SV2A: variants seen among roughly 807,000 people sequenced by gnomAD.
SV2A encodes solute carrier family 22 member B1.
SV2A carries 25 observed loss-of-function variants against 78.0 expected under a neutral mutation model. That is an observed-to-expected ratio of 0.32 (90% CI 0.23 to 0.45). The LOEUF (loss-of-function observed/expected upper bound fraction) is 0.45. SV2A is among the 20% of genes least tolerant of loss of function. The pLI, the probability that SV2A is intolerant of heterozygous loss-of-function variation, is 1.00. For synonymous variants in SV2A, 355 were observed against 384.7 expected (o/e 0.92, Z 0.90); for missense variants, 752 against 971.5 (o/e 0.77, Z 3.00).
chr1:149,908,940 A>T (rs1332193132), intron 8 of SV2A, among the ~76,000 whole-genome samples: 3 of 152,148 alleles, frequency 2.0e-5, no homozygotes, highest in Non-Finnish European at 4.4e-5. Flanking sequence ...TAACCAAAAC[A>T]TAAACTCCAG....
chr1:149,908,827 G>A (rs2092456012), intron 8 of SV2A, among the ~76,000 whole-genome samples: 1 of 151,970 alleles, frequency 6.6e-6, no homozygotes, highest in Non-Finnish European at 1.5e-5. Flanking sequence ...TAGTAGAGAC[G>A]GGGTTTCACC....
At chr1:149,909,654 C>A in intron 6 of SV2A, 83 bp from the exon 7 acceptor site, 1 of 1,465,354 alleles carries the variant, frequency 6.8e-7, no homozygotes, top group South Asian at 1.1e-5. Context: ...CCTGCATTAG[C>A]AAAATGGGAG....
rs1350147713 is a variant in SV2A at position 149,913,526 on chromosome 1, C to G, written c.315G>C (p.Glu105Asp). Residue 105 changes from glutamate to aspartate, a missense_variant, in exon 2 of 13, where the codon GAG becomes GAC. Glu to Asp is a conservative substitution (Grantham distance 45). Transcript: ENST00000369146. The stretch of plus-strand genomic sequence containing the variant: ...CCATCCGCTCGCCTTTGCCCCCAGA[C>G]TCTGCCCGGGGAATGCCCTGATATT... Reference protein sequence around the residue: ...EGEYQGIPRAESGGKGERMAD... With the variant: ...EGEYQGIPRADSGGKGERMAD... 1 of 1,613,788 alleles carries G rather than the reference C, an allele frequency of 6.2e-7. No individual in the cohort carries two copies. Among genetic ancestry groups the G allele is most frequent in the East Asian group, 2.2e-5 (1 of 44,842 alleles).
intron 12 of SV2A, 98 bp from the exon 13 acceptor site, chr1:149,905,295 A>G (rs996529373): frequency 9.4e-7 from 1 of 1,064,522 alleles, no homozygotes; most frequent in Admixed American, 2.3e-5. Flanking sequence ...AGATGCAGGC[A>G]GTGTCCAAGA....
At chr1:149,905,278 T>G in intron 12 of SV2A, 81 bp from the exon 13 acceptor site, 3 of 1,324,976 alleles carry the variant, frequency 2.3e-6, no homozygotes, top group Non-Finnish European at 3.1e-6. Context: ...GGAAGTGAAG[T>G]CCAGGAAGAT....
In SV2A at chr1:149,910,108, G is replaced by T. The variant is rs1038995197; in HGVS notation, c.1090-218C>A. ...AGACAATCAGACTTGGGCAAGAGCT[G>T]CGGGTTGGGGGTGGGGAGTGTTGTC... On this transcript the variant is annotated intron_variant, in intron 5 of 12. Transcript: ENST00000369146. The surrounding 1 kb of genome is among the most constrained non-coding windows in gnomAD (Gnocchi z 4.2). Among the ~76,000 whole-genome samples, 10 of 152,190 alleles carry T rather than the reference G, an allele frequency of 6.6e-5. No individual in the cohort carries two copies. The highest frequency in any genetic ancestry group is 1.5e-4 in the Non-Finnish European group (10 of 68,038).
intron 1 of SV2A, among the ~76,000 whole-genome samples, chr1:149,916,642 C>T (rs1424625430): frequency 6.6e-6 from 1 of 152,220 alleles, no homozygotes; most frequent in South Asian, 2.1e-4. Context: ...CAGTCAAAGC[C>T]CCTGACTTTG....
chr1:149,908,283 A>G (rs2092452299), intron 8 of SV2A, 77 bp from the exon 9 acceptor site: 1 of 1,521,416 alleles, frequency 6.6e-7, no homozygotes, highest in Non-Finnish European at 9.0e-7. Context: ...GCAGAGGAGA[A>G]AACGGAAATG....
chr1:149,913,176 T>A (rs2092486313), intron 2 of SV2A, 43 bp downstream of exon 2: 1 of 1,589,672 alleles, frequency 6.3e-7, no homozygotes, highest in Admixed American at 1.7e-5. Context: ...CAAGGAGGTT[T>A]CCAGAGTTTG....
At chr1:149,912,039 A>G (rs1553763893) in intron 2 of SV2A, 59 bp from the exon 3 acceptor site, 5 of 1,539,866 alleles carry the variant, frequency 3.2e-6, no homozygotes, top group Non-Finnish European at 4.4e-6. Context: ...TAATTCTCCC[A>G]GGAGATGAGC....
rs781825319 is a variant in SV2A, at chr1:149,906,760, T to G, written c.1775A>C (p.Glu592Ala). 3.7e-6 allele frequency: 6 copies of G among 1,614,196 alleles called. No individual in the cohort carries two copies. The Admixed American group carries it at 1.0e-4, about 27-fold the overall frequency. Reference protein sequence around the residue: ...GCPLDVTGTGEGAYMVYFVSF... With the variant: ...GCPLDVTGTGAGAYMVYFVSF... ...CACAAAGTATACCATGTAGGCACCT[T>G]CGCCCGTCCCTGTCACGTCTAGCGG... is the stretch of plus-strand genomic sequence containing the variant. The change falls in exon 11 of 13, where the codon GAA becomes GCA. Residue 592 changes from glutamate (E) to alanine (A), a missense_variant. By Grantham distance (107) the Glu-to-Ala change is moderately radical. Coordinates refer to ENST00000369146, the MANE Select transcript of SV2A (RefSeq NM_014849.5).
At chr1:149,905,337 TA>T in intron 12 of SV2A, 140 bp from the exon 13 acceptor site, 1 of 700,602 alleles carries the variant, frequency 1.4e-6, no homozygotes, top group Non-Finnish European at 2.3e-6. Context: ...ATCAGAGAGG[TA>T]AAGGATGTAC....
At chr1:149,906,596 C>A in intron 11 of SV2A, 54 bp downstream of exon 11, 1 of 1,587,860 alleles carries the variant, frequency 6.3e-7, no homozygotes, top group South Asian at 1.1e-5. Flanking sequence ...TGTTGACTGC[C>A]TCCCGCAGCC....
intron 10 of SV2A, 193 bp from the exon 11 acceptor site, chr1:149,907,049 T>C (rs1223758859): frequency 2.2e-6 from 2 of 925,992 alleles, no homozygotes; most frequent in Non-Finnish European, 1.3e-6. Context: ...AAAATGACCA[T>C]CATCTGTCCA....
intron 1 of SV2A, among the ~76,000 whole-genome samples, chr1:149,914,781 C>T (rs1018941443): frequency 2.6e-5 from 4 of 152,132 alleles, no homozygotes; most frequent in Non-Finnish European, 5.9e-5. Context: ...GCTAAGGGAC[C>T]AAGCCTCAGT....
In SV2A at chr1:149,906,028, C is replaced by CGCTGGAGCCA; in HGVS notation, c.1887_1896dup (p.Val633TrpfsTer19). ...AAGAAGCAGGAGACACAGGACATCA[C>CGCTGGAGCCA]GCTGGAGCCAGCTGGAGCCAGGAGA... On this transcript the variant is annotated frameshift_variant, in exon 12 of 13. Transcript: ENST00000369146. LOFTEE classifies it high-confidence loss of function. 6.2e-7 allele frequency: 1 copy of CGCTGGAGCCA among 1,614,144 alleles called. No individual in the cohort carries two copies. The highest frequency in any genetic ancestry group is 1.3e-5 in the African/African-American group (1 of 75,030).
rs587619822 is a variant in SV2A at position 149,911,756 on chromosome 1, A to C, written c.803+44T>G. 1.9e-6 allele frequency: 3 copies of C among 1,587,414 alleles called. No homozygotes were observed. The Admixed American group carries it at 5.1e-5, about 27-fold the overall frequency. On this transcript the variant is annotated intron_variant, in intron 3 of 12. Transcript: ENST00000369146. ...GGCCCTAAAGATACAACAGTGACCA[A>C]GGCACAGTCCTGCCCTCAAGGGACT...
In SV2A at chr1:149,909,492, C is replaced by A. The variant is rs199550214; in HGVS notation, c.1259G>T (p.Trp420Leu). The A allele has an allele frequency of 6.2e-7, 1 of 1,614,066 alleles. No homozygotes were observed. The highest frequency in any genetic ancestry group is 8.5e-7 in the Non-Finnish European group (1 of 1,180,008). Reference protein sequence around the residue: ...QSDTGTWYQRWGVRALSLGGQ... With the variant: ...QSDTGTWYQRLGVRALSLGGQ... ...CCCTAGGCTCAAGGCCCGGACCCCC[C>A]AGCGCTGGTACCAGGTCCCTGTGTC... is the stretch of plus-strand genomic sequence containing the variant. The change falls in exon 7 of 13, where the codon TGG becomes TTG. Residue 420 changes from tryptophan to leucine, a missense_variant. Trp to Leu is a moderately conservative substitution (Grantham distance 61). Around this residue, in one of 7 missense-constraint regions of SV2A, gnomAD observed 136 missense variants for 132.3 expected, o/e 1.03. Transcript: ENST00000369146.
At chr1:149,915,021 C>G (rs192951538) in intron 1 of SV2A, among the ~76,000 whole-genome samples, 7 of 152,224 alleles carry the variant, frequency 4.6e-5, no homozygotes, top group Admixed American at 1.3e-4. Flanking sequence ...AAGGAGAATC[C>G]TGGTTCAGGG....
Sources: allele counts gnomAD v4.1 joint callset (sites outside exome capture counted in the v4.1 genomes callset), GRCh38; gene constraint gnomAD v4.1.1; regional missense constraint gnomAD v4.1.1; non-coding constraint Gnocchi (gnomAD v3.1); transcripts MANE v1.5; gene names NCBI Gene and HGNC (gene_info 2026-07-23, HGNC 2026-07-21).